The following CWC27 variants were observed in gnomAD, a reference collection of about 807,000 sequenced individuals.
CWC27 encodes spliceosome-associated protein CWC27 homolog.
Under a neutral mutation model 63.6 loss-of-function variants are expected in CWC27, and 47 were observed. The observed-to-expected ratio is 0.74, with a 90% CI of 0.58 to 0.94. CWC27 has a LOEUF of 0.94. CWC27 is among the 40% of genes least tolerant of loss of function. The pLI is 0.00. For missense variants in CWC27, 495 were observed against 554.3 expected (o/e 0.89, Z 1.07); for synonymous variants, 175 against 179.8 (o/e 0.97, Z 0.22).
chr5:64,835,724 A>G (rs1745642674), intron 10 of CWC27, among the ~76,000 whole-genome samples: 1 of 151,856 alleles, frequency 6.6e-6, no homozygotes, highest in African/African-American at 2.4e-5. Flanking sequence ...CATCTAAGTC[A>G]TTATAGGCTC....
rs577637875 is a variant in CWC27 at position 64,787,066 on chromosome 5, TATGAG to T, written c.599+441_599+445del. The stretch of plus-strand genomic sequence containing the variant: ...AAACACTTATAAAACCATCAGATCT[TATGAG>T]AACTCACTCAGTATCATGAGAACAG... On this transcript the variant is annotated intron_variant, in intron 6 of 13. Coordinates refer to ENST00000381070, the MANE Select transcript of CWC27 (RefSeq NM_005869.4). Among the ~76,000 whole-genome samples, 5 of 152,210 alleles carry T rather than the reference TATGAG, an allele frequency of 3.3e-5. No homozygotes were observed. The East Asian group carries it at 9.7e-4, about 29-fold the overall frequency.
At chr5:64,877,732 A>C (rs1384086965) in intron 10 of CWC27, among the ~76,000 whole-genome samples, 2 of 152,014 alleles carry the variant, frequency 1.3e-5, no homozygotes, top group Non-Finnish European at 2.9e-5. Flanking sequence ...TTCAGTTTAA[A>C]GGTAAGGTAT....
chr5:64,785,619 T>C, intron 5 of CWC27, 40 bp downstream of exon 5: 1 of 1,265,984 alleles, frequency 7.9e-7, no homozygotes, highest in Non-Finnish European at 1.1e-6. Context: ...ACTTACATTG[T>C]CGTTTAAGAG....
At chr5:64,868,498 A>G (rs898998106) in intron 10 of CWC27, among the ~76,000 whole-genome samples, 10 of 152,138 alleles carry the variant, frequency 6.6e-5, no homozygotes, top group East Asian at 1.9e-4. Context: ...TTCTTGTTCT[A>G]TTGGTTCTCA....
In CWC27 at chr5:64,979,928, C is replaced by T. The variant is rs371038466; in HGVS notation, c.1256+2690C>T. Among the ~76,000 whole-genome samples, 18 of 116,568 alleles carry T rather than the reference C, an allele frequency of 1.5e-4. No individual in the cohort carries two copies. The East Asian group carries it at 4.2e-3, about 27-fold the overall frequency. The allele number at this position is 116,568 out of a possible 152,430, so 76.5% of individuals were successfully genotyped here. ...CTGTATTGGCATGGTATACAACAGA[C>T]ATTTGGGTACCATTCAGCAGCATTA... On this transcript the variant is annotated intron_variant, in intron 13 of 13. Transcript: ENST00000381070.
chr5:64,777,949 C>T (rs1366459814), intron 2 of CWC27, among the ~76,000 whole-genome samples: 1 of 151,916 alleles, frequency 6.6e-6, no homozygotes, highest in African/African-American at 2.4e-5. Context: ...AATTTTTACT[C>T]ATTTATATAT....
intron 13 of CWC27, 140 bp from the exon 14 acceptor site, chr5:65,018,019 G>T (rs1750079551): frequency 1.5e-6 from 1 of 682,100 alleles, no homozygotes; most frequent in Admixed American, 3.1e-5. Flanking sequence ...GTTTCCATGT[G>T]GTGTAAGCAC....
At chr5:64,993,431 G>A (rs1297619393) in intron 13 of CWC27, among the ~76,000 whole-genome samples, 1 of 152,054 alleles carries the variant, frequency 6.6e-6, no homozygotes, top group Non-Finnish European at 1.5e-5. Context: ...TTTGCTAGTG[G>A]TACTAGAAGG....
At chr5:64,899,576 G>T (rs1156502469) in intron 11 of CWC27, among the ~76,000 whole-genome samples, 1 of 152,150 alleles carries the variant, frequency 6.6e-6, no homozygotes, top group African/African-American at 2.4e-5. Flanking sequence ...TAAGAGCTAT[G>T]AACATATTAT....
At chr5:65,011,709 A>G (rs1198344843) in intron 13 of CWC27, among the ~76,000 whole-genome samples, 1 of 152,232 alleles carries the variant, frequency 6.6e-6, no homozygotes, top group African/African-American at 2.4e-5. Flanking sequence ...TGAAAAATAT[A>G]AAAGACCTGA....
Position 64,833,025 on chromosome 5 carries a change from G to A in CWC27, c.938+28639G>A, listed in dbSNP as rs192031275. Among the ~76,000 whole-genome samples the A allele has an allele frequency of 4.9e-4, 75 of 151,814 alleles. 1 individual carries two copies. The highest frequency in any genetic ancestry group is 4.6e-3 in the Admixed American group (70 of 15,216). ...AGCAAGTTGTAACCTGAGTTTTCTC[G>A]TTTGTAAAGTGAACTTATAATAGTA... On this transcript the variant is annotated intron_variant, in intron 10 of 13. Transcript: ENST00000381070.
chr5:64,791,880 G>C (rs867904576), intron 7 of CWC27, among the ~76,000 whole-genome samples: 8 of 151,932 alleles, frequency 5.3e-5, no homozygotes, highest in Admixed American at 1.3e-4. Context: ...TCATTGCACT[G>C]TCCTGGCAAT....
intron 10 of CWC27, among the ~76,000 whole-genome samples, chr5:64,876,603 T>A (rs777440239): frequency 6.6e-6 from 1 of 152,116 alleles, no homozygotes; most frequent in Non-Finnish European, 1.5e-5. Flanking sequence ...AGATTTAAGA[T>A]CTCTCCAACA....
intron 13 of CWC27, among the ~76,000 whole-genome samples, chr5:64,980,359 A>G (rs962119579): frequency 3.9e-5 from 6 of 152,240 alleles, no homozygotes; most frequent in African/African-American, 1.2e-4. Flanking sequence ...TCATATGACC[A>G]TATGGATGAA....
intron 2 of CWC27, among the ~76,000 whole-genome samples, chr5:64,777,425 A>G (rs1743496086): frequency 1.3e-5 from 2 of 152,152 alleles, no homozygotes; most frequent in Non-Finnish European, 2.9e-5. Flanking sequence ...GATAACATTT[A>G]CATAGTTAAA....
intron 12 of CWC27, among the ~76,000 whole-genome samples, chr5:64,974,500 C>T (rs145119692): frequency 1.3e-5 from 2 of 152,096 alleles, no homozygotes; most frequent in Non-Finnish European, 1.5e-5. Flanking sequence ...TTCGCTATCA[C>T]GAGAATAGCA....
At chr5:64,893,986 G>A (rs1278740405) in intron 11 of CWC27, among the ~76,000 whole-genome samples, 1 of 150,056 alleles carries the variant, frequency 6.7e-6, no homozygotes, top group Admixed American at 6.7e-5. Context: ...CTTGAGTGCA[G>A]TGGCACGATC....
chr5:64,972,093 A>T (rs1749137534), intron 12 of CWC27, among the ~76,000 whole-genome samples: 1 of 152,114 alleles, frequency 6.6e-6, no homozygotes, highest in Admixed American at 6.5e-5. Flanking sequence ...TATCCTCAGA[A>T]ACCCAGGTGG....
intron 10 of CWC27, among the ~76,000 whole-genome samples, chr5:64,820,264 A>G (rs1262425800): frequency 6.6e-6 from 1 of 152,238 alleles, no homozygotes; most frequent in African/African-American, 2.4e-5. Context: ...GCCAAAGGGC[A>G]CACTTCATCT....
Sources: allele counts gnomAD v4.1 joint callset (sites outside exome capture counted in the v4.1 genomes callset), GRCh38; gene constraint gnomAD v4.1.1; transcripts MANE v1.5; gene names NCBI Gene and HGNC (gene_info 2026-07-23, HGNC 2026-07-21).